ZNF718: variants seen among roughly 807,000 people sequenced by gnomAD.
The protein encoded by ZNF718 is zinc finger protein 718.
ZNF718 carries 3 observed loss-of-function variants against 2.6 expected under a neutral mutation model. The ratio of observed to expected loss-of-function variants is 1.16; its 90% confidence interval spans 0.53 to 3.01. ZNF718 has a LOEUF of 3.01. Among genes scored for constraint, ZNF718 ranks in the 30% most tolerant of loss-of-function variants. The pLI, the probability that ZNF718 is intolerant of heterozygous loss-of-function variation, is 0.03. For synonymous variants in ZNF718, 135 were observed against 77.9 expected, an observed-to-expected ratio of 1.73 and a Z score of -3.86; for missense variants, 468 against 230.0, an observed-to-expected ratio of 2.03 and a Z score of -6.69.
chr4:200,984 A>G (rs1717887901), intron 3 of ZNF718: 1 of 152,404 alleles, frequency 6.6e-6, no homozygotes, highest in Admixed American at 6.5e-5. Flanking sequence ...TTTGACACGC[A>G]GATACATTAA....
At chr4:144,304 A>AAT (rs1328519149) in intron 3 of ZNF718, among the ~76,000 whole-genome samples, 1 of 152,210 alleles carries the variant, frequency 6.6e-6, no homozygotes, top group Non-Finnish European at 1.5e-5. Flanking sequence ...TAGCGGTAAC[A>AAT]ATATATTCCT....
At chr4:159,505 T>C (rs547966781) in intron 3 of ZNF718, among the ~76,000 whole-genome samples, 2 of 152,270 alleles carry the variant, frequency 1.3e-5, no homozygotes, top group African/African-American at 4.8e-5. Context: ...TTTTGAAACT[T>C]TGCTTGTATG....
intron 3 of ZNF718, among the ~76,000 whole-genome samples, chr4:179,907 A>T (rs979969935): frequency 3.9e-5 from 6 of 152,226 alleles, no homozygotes; most frequent in African/African-American, 1.2e-4. Flanking sequence ...AAAATAAAAC[A>T]TCATATATGT....
chr4:167,106 A>G (rs28802875), downstream of ZNF718, among the ~76,000 whole-genome samples: 43,613 of 151,972 alleles, frequency 0.29, 6,616 homozygotes, highest in African/African-American at 0.34. Context: ...ATTAAATAGG[A>G]AATCCTTTCC....
At chr4:160,295 A>G (rs55992919) in intron 3 of ZNF718, among the ~76,000 whole-genome samples, 1,941 of 152,328 alleles carry the variant, frequency 0.013, 48 homozygotes, top group African/African-American at 0.044. Context: ...GAAGAGCTGC[A>G]GTGGGTAAAT....
rs1455861837 is a variant in ZNF718, at chr4:131,335, A to G, written c.131-75A>G. ...GAATCTTCCCTAATTTCTCTATTCT[A>G]CTTAGCATAGTACTAGGTTGGTAAT... On this transcript the variant is annotated intron_variant, in intron 2 of 3. Coordinates refer to ENST00000510175, the MANE Select transcript of ZNF718 (RefSeq NM_001039127.6). 4 of 257,464 alleles carry G rather than the reference A, an allele frequency of 1.6e-5. 1 individual carries two copies. The allele number at this position is 257,464 out of a possible 1,614,324, so 15.9% of individuals were successfully genotyped here.
chr4:164,222 T>G (rs1470321210), downstream of ZNF718, among the ~76,000 whole-genome samples: 1 of 152,050 alleles, frequency 6.6e-6, no homozygotes. Flanking sequence ...TAGTTTTGAT[T>G]TACATGGAGA....
chr4:181,451 ATATTT>A (rs1341293221), intron 3 of ZNF718, among the ~76,000 whole-genome samples: 6 of 151,886 alleles, frequency 4.0e-5, no homozygotes, highest in African/African-American at 9.7e-5. Flanking sequence ...TCAATTTTTA[ATATTT>A]TATTTTGTGT....
At chr4:137,240 C>A (rs539476975) in intron 3 of ZNF718, among the ~76,000 whole-genome samples, 73 of 151,032 alleles carry the variant, frequency 4.8e-4, no homozygotes, top group Middle Eastern at 3.4e-3. Context: ...AAACCTTTTT[C>A]TAAAAAAAAA....
Position 170,135 on chromosome 4 carries a change from A to G in ZNF718, c.227-30946A>G, listed in dbSNP as rs184918764. Among the ~76,000 whole-genome samples the G allele has an allele frequency of 2.7e-4, 41 of 152,234 alleles. 1 individual carries two copies. Among genetic ancestry groups the G allele is most frequent in the African/African-American group, 9.6e-4 (40 of 41,546 alleles). ...TTAGTTTGGCTGGATATGAAATTCT[A>G]AATTGAAAATTCTTTTCTTTAAGAA... On this transcript the variant is annotated intron_variant and NMD_transcript_variant, in intron 3 of 4. Transcript: ENST00000642529.
rs1186013322 is a variant in ZNF718 at position 196,022 on chromosome 4, T to TCTCTCTCTCC, written c.227-5042_227-5033dup. ...TTCTCTTTCCTCTCTCTCTCTCCCC[T>TCTCTCTCTCC]CTCTCTCTCCCTCTCTCTCCCTCTC... On this transcript the variant is annotated intron_variant and NMD_transcript_variant, in intron 3 of 4. Coordinates refer to the ZNF718 transcript ENST00000642529. Among the ~76,000 whole-genome samples the TCTCTCTCTCC allele has an allele frequency of 1.3e-5, 2 of 151,778 alleles. 1 individual carries two copies. The highest frequency in any genetic ancestry group is 2.9e-5 in the Non-Finnish European group (2 of 67,886).
At chr4:124,905 GGAGT>G in intron 1 of ZNF718, 1 of 493,312 alleles carries the variant, frequency 2.0e-6, no homozygotes, top group Non-Finnish European at 3.6e-6. Context: ...CCCGGGCTGT[GGAGT>G]GAGTAGGAGC....
At chr4:173,692 T>C (rs1388298340) in intron 3 of ZNF718, among the ~76,000 whole-genome samples, 1 of 152,142 alleles carries the variant, frequency 6.6e-6, no homozygotes, top group African/African-American at 2.4e-5. Flanking sequence ...AAAGTAGCTG[T>C]AGTTCATTGG....
chr4:144,844 C>A (rs956971517), intron 3 of ZNF718, among the ~76,000 whole-genome samples: 1 of 152,094 alleles, frequency 6.6e-6, no homozygotes, highest in Admixed American at 6.6e-5. Context: ...ATTTTTTAAT[C>A]CTGTATCTTG....
chr4:190,456 A>T (rs1581484538), intron 3 of ZNF718, among the ~76,000 whole-genome samples: 1 of 151,772 alleles, frequency 6.6e-6, no homozygotes, highest in East Asian at 1.9e-4. Context: ...AGAAGTTTTA[A>T]GTCAATATAA....
At chr4:130,594 T>G (rs1313044422) in intron 1 of ZNF718, among the ~76,000 whole-genome samples, 194 bp from the exon 2 acceptor site, 1 of 102,270 alleles carries the variant, frequency 9.8e-6, no homozygotes, top group Non-Finnish European at 2.2e-5. Flanking sequence ...AAACAAAAAT[T>G]AGCCAGGCAT....
Position 161,949 on chromosome 4 carries a change from C to G in ZNF718, c.1264C>G (p.Pro422Ala). The G allele has an allele frequency of 1.3e-6, 1 of 779,916 alleles. No individual in the cohort carries two copies. Among genetic ancestry groups the G allele is most frequent in the Non-Finnish European group, 2.4e-6 (1 of 417,542 alleles). The allele number at this position is 779,916 out of a possible 1,614,324, so 48.3% of individuals were successfully genotyped here. The change falls in exon 4 of 4, where the codon CCC becomes GCC. Residue 422 changes from proline to alanine, a missense_variant. By Grantham distance (27) the Pro-to-Ala change is conservative. Transcript: ENST00000510175. ...TAAGAAAATTCATACTGGAGAGAAA[C>G]CCTACATATGTAAACAATGTGGCAA... Reference protein sequence around the residue: ...NHKKIHTGEKPYICKQCGKAF... With the variant: ...NHKKIHTGEKAYICKQCGKAF...
chr4:156,493 C>CA (rs148528640), intron 3 of ZNF718, among the ~76,000 whole-genome samples: 2 of 151,460 alleles, frequency 1.3e-5, no homozygotes, highest in South Asian at 2.1e-4. Flanking sequence ...TTTTAATTGT[C>CA]AAAAAAAACA....
At chr4:137,767 C>T (rs10004179) in intron 3 of ZNF718, among the ~76,000 whole-genome samples, 1 of 150,922 alleles carries the variant, frequency 6.6e-6, no homozygotes, top group Non-Finnish European at 1.5e-5. Flanking sequence ...TTTTTTCTTA[C>T]TCGGGACTGA....
Sources: gnomAD v4.1 joint callset for allele counts (sites outside exome capture counted in the v4.1 genomes callset) on GRCh38, gnomAD v4.1.1 for gene constraint, MANE v1.5 for transcripts, NCBI Gene and HGNC (gene_info 2026-07-23, HGNC 2026-07-21) for gene names.